The following PRR14L variants were observed in gnomAD, a reference collection of about 807,000 sequenced individuals.
PRR14L encodes proline rich 14 like, also known as protein PRR14L.
PRR14L carries 80 observed loss-of-function variants against 155.0 expected under a neutral mutation model. That is an observed-to-expected ratio of 0.52 (90% CI 0.43 to 0.62). The LOEUF is 0.62. PRR14L is among the 20% of genes least tolerant of loss of function. The probability of loss-of-function intolerance (pLI) is 0.00; values close to 1 mark genes in which losing one functional copy is unlikely to be tolerated. For missense variants in PRR14L, 2,469 were observed against 2,548.0 expected, an observed-to-expected ratio of 0.97 and a Z score of 0.67; for synonymous variants, 883 against 916.0, an observed-to-expected ratio of 0.96 and a Z score of 0.65.
intron 1 of PRR14L, among the ~76,000 whole-genome samples, chr22:31,746,210 G>A (rs901676408): frequency 6.6e-6 from 1 of 152,046 alleles, no homozygotes; most frequent in Non-Finnish European, 1.5e-5. Flanking sequence ...GCTGCACCCA[G>A]CCTTGTACTT....
In PRR14L at chr22:31,688,229, T is replaced by C; in HGVS notation, c.6108-2A>G. On this transcript the variant is annotated splice_acceptor_variant, in intron 7 of 8. Coordinates refer to ENST00000327423, the MANE Select transcript of PRR14L (RefSeq NM_173566.3). LOFTEE classifies it high-confidence loss of function. The stretch of plus-strand genomic sequence containing the variant: ...AAACTAAACTCCTTCTTCTTTAACC[T>C]GAAAAGAAATAAGGAAAAAAATTCT... The C allele has an allele frequency of 6.3e-7, 1 of 1,577,490 alleles. No homozygotes were observed. Among genetic ancestry groups the C allele is most frequent in the African/African-American group, 1.4e-5 (1 of 72,970 alleles).
chr22:31,729,273 A>T (rs1045326054), intron 2 of PRR14L, among the ~76,000 whole-genome samples: 1 of 152,166 alleles, frequency 6.6e-6, no homozygotes, highest in Non-Finnish European at 1.5e-5. Flanking sequence ...ATGTAGTGGC[A>T]CAACCTCCGC....
At chr22:31,700,626 G>A (rs1339667450) in intron 7 of PRR14L, among the ~76,000 whole-genome samples, 1 of 152,026 alleles carries the variant, frequency 6.6e-6, no homozygotes, top group Non-Finnish European at 1.5e-5. Context: ...GCACGATCTC[G>A]GCTCACCGCA....
In PRR14L at chr22:31,716,509, T is replaced by C; in HGVS notation, c.1330A>G (p.Asn444Asp). Residue 444 changes from asparagine to aspartate, a missense_variant, in exon 4 of 9, where the codon AAT becomes GAT. Transcript: ENST00000327423. ...PVVSPKENIH[N>D]NCIQDSLHTG... ...TGGAGACTGTCTTGAATGCAGTTATTGTGGATATTTTCCTTTGGAGAAACA... is the reference window on the plus strand; with the variant it reads ...TGGAGACTGTCTTGAATGCAGTTATCGTGGATATTTTCCTTTGGAGAAACA... 6.5e-7 allele frequency: 1 copy of C among 1,546,946 alleles called. No homozygotes were observed. The highest frequency in any genetic ancestry group is 1.4e-5 in the African/African-American group (1 of 72,672).
intron 7 of PRR14L, among the ~76,000 whole-genome samples, chr22:31,696,701 A>C (rs927572686): frequency 6.6e-6 from 1 of 152,236 alleles, no homozygotes; most frequent in Non-Finnish European, 1.5e-5. Context: ...TACATCAATC[A>C]AAACACTCAT....
chr22:31,703,573 T>C lies in PRR14L; in HGVS notation c.5977A>G (p.Ser1993Gly). ...GVKAACPCPQ[S>G]SPPEQKEAEP... ...ACCTCTTTCTGTTCTGGGGGGCTGC[T>C]CTGTGGGCAGGGGCATGCTGCTTTC... is the stretch of plus-strand genomic sequence containing the variant. Residue 1993 changes from serine to glycine, a missense_variant, in exon 6 of 9, where the codon AGC becomes GGC. This residue lies in a region of PRR14L where 2,363 missense variants were observed against 2,371.6 expected (regional missense o/e 1.00). Coordinates refer to ENST00000327423, the MANE Select transcript of PRR14L (RefSeq NM_173566.3). 2 of 1,613,534 alleles carry C rather than the reference T, an allele frequency of 1.2e-6. No homozygotes were observed. Among genetic ancestry groups the C allele is most frequent in the Non-Finnish European group, 1.7e-6 (2 of 1,179,680 alleles).
chr22:31,734,712 G>A (rs1427404111), intron 2 of PRR14L, among the ~76,000 whole-genome samples: 2 of 152,154 alleles, frequency 1.3e-5, no homozygotes, highest in Non-Finnish European at 2.9e-5. Context: ...CAATGACCTG[G>A]CCTCCAGATG....
At chr22:31,745,911 G>A (rs1337714833) in intron 1 of PRR14L, among the ~76,000 whole-genome samples, 1 of 150,082 alleles carries the variant, frequency 6.7e-6, no homozygotes, top group Admixed American at 6.7e-5. Context: ...TTGGACAATA[G>A]GATCACCAAT....
Position 31,716,432 on chromosome 22 carries a change from T to G in PRR14L, c.1407A>C (p.Glu469Asp), listed in dbSNP as rs1412935326. The G allele has an allele frequency of 6.4e-7, 1 of 1,551,364 alleles. No individual in the cohort carries two copies. Among genetic ancestry groups the G allele is most frequent in the Non-Finnish European group, 8.7e-7 (1 of 1,146,808 alleles). The change falls in exon 4 of 9, where the codon GAA becomes GAC. Residue 469 changes from glutamate (E) to aspartate (D), a missense_variant. By Grantham distance (45) the Glu-to-Asp change is conservative. Transcript: ENST00000327423. ...LMPNSFTEATEVMLNKNDLKI... is the reference protein window; with the variant it reads ...LMPNSFTEATDVMLNKNDLKI... ...TCAAATCATTTTTATTTAACATTAC[T>G]TCTGTGGCTTCAGTAAAAGAATTGG... is the stretch of plus-strand genomic sequence containing the variant.
At chr22:31,748,503 CCT>C (rs575356367) in intron 1 of PRR14L, among the ~76,000 whole-genome samples, 5 of 152,262 alleles carry the variant, frequency 3.3e-5, no homozygotes, top group Admixed American at 6.5e-5. Context: ...AAAAGATTTT[CCT>C]CTGTTTTATA....
At chr22:31,688,266 C>T in intron 7 of PRR14L, 39 bp from the exon 8 acceptor site, 1 of 1,527,200 alleles carries the variant, frequency 6.5e-7, no homozygotes, top group Non-Finnish European at 8.8e-7. Flanking sequence ...CAGGTTCTCT[C>T]TCTCTTTTTT....
chr22:31,721,563 C>T (rs1029408284), intron 3 of PRR14L, among the ~76,000 whole-genome samples: 1 of 88,194 alleles, frequency 1.1e-5, no homozygotes, highest in Non-Finnish European at 2.4e-5. Flanking sequence ...GCAAGACTCA[C>T]AAAAAAAAAA....
Position 31,738,901 on chromosome 22 carries a change from A to C in PRR14L, c.-41T>G. ...TTATGGAGTCAAGTCTTTTACATCA[A>C]ATGATTCACCCTGACACAAATCACA... On this transcript the variant is annotated 5_prime_UTR_variant, in exon 2 of 9. In the 5' UTR this introduces an upstream ATG that the reference lacks. Coordinates refer to ENST00000327423, the MANE Select transcript of PRR14L (RefSeq NM_173566.3). 1.5e-6 allele frequency: 2 copies of C among 1,316,768 alleles called. No individual in the cohort carries two copies. The highest frequency in any genetic ancestry group is 2.1e-6 in the Non-Finnish European group (2 of 959,740). The allele number at this position is 1,316,768 out of a possible 1,614,324, so 81.6% of individuals were successfully genotyped here.
intron 7 of PRR14L, among the ~76,000 whole-genome samples, chr22:31,693,030 T>C (rs1014931293): frequency 6.6e-6 from 1 of 152,144 alleles, no homozygotes; most frequent in Non-Finnish European, 1.5e-5. Flanking sequence ...ATATAGCCCC[T>C]ACCCTCACAC....
intron 1 of PRR14L, among the ~76,000 whole-genome samples, chr22:31,747,460 TCC>T (rs2074845221): frequency 6.7e-6 from 1 of 149,518 alleles, no homozygotes; most frequent in East Asian, 1.9e-4. Flanking sequence ...GAAGCCAGGG[TCC>T]CTTATCCTGC....
At chr22:31,698,265 T>C (rs1200709699) in intron 7 of PRR14L, among the ~76,000 whole-genome samples, 1 of 152,080 alleles carries the variant, frequency 6.6e-6, no homozygotes, top group African/African-American at 2.4e-5. Flanking sequence ...CCTCAGTTGA[T>C]ATACCCGCCT....
intron 8 of PRR14L, among the ~76,000 whole-genome samples, chr22:31,687,078 C>G (rs2074485838): frequency 6.6e-6 from 1 of 152,182 alleles, no homozygotes; most frequent in African/African-American, 2.4e-5. Flanking sequence ...GCTCTTGTTG[C>G]CCAGGCTGGA....
intron 7 of PRR14L, 93 bp downstream of exon 7, chr22:31,701,563 G>T: frequency 1.5e-6 from 1 of 651,848 alleles, no homozygotes; most frequent in South Asian, 2.1e-5. Flanking sequence ...GTAATAAATG[G>T]CTCAGAGTGT....
Position 31,713,382 on chromosome 22 carries a change from G to C in PRR14L, c.4457C>G (p.Pro1486Arg). The C allele has an allele frequency of 6.4e-7, 1 of 1,552,050 alleles. No individual in the cohort carries two copies. Among genetic ancestry groups the C allele is most frequent in the Non-Finnish European group, 8.7e-7 (1 of 1,147,076 alleles). ...LRKDTESCTSPCLLGAPRKAQ... is the reference protein window; with the variant it reads ...LRKDTESCTSRCLLGAPRKAQ... ...TTTCCGAGGGGCACCAAGAAGGCAA[G>C]GACTTGTGCATGACTCAGTGTCCTT... is the stretch of plus-strand genomic sequence containing the variant. The change falls in exon 4 of 9, where the codon CCT (proline) becomes CGT (arginine). Residue 1486 changes from proline to arginine, a missense_variant. Physicochemically the swap from Pro to Arg is moderately radical, Grantham distance 103. Transcript: ENST00000327423.
Sources: gnomAD v4.1 joint callset for allele counts (sites outside exome capture counted in the v4.1 genomes callset) on GRCh38, gnomAD v4.1.1 for gene constraint, gnomAD v4.1.1 regional missense constraint, MANE v1.5 for transcripts, NCBI Gene and HGNC (gene_info 2026-07-23, HGNC 2026-07-21) for gene names.